The following XKR6 variants were observed in gnomAD, a reference collection of about 807,000 sequenced individuals.
The protein encoded by XKR6 is XK related 6.
XKR6 carries 22 observed loss-of-function variants against 56.7 expected under a neutral mutation model. The ratio of observed to expected loss-of-function variants is 0.39; its 90% CI spans 0.28 to 0.55. XKR6 has a LOEUF of 0.55. XKR6 is among the 20% of genes least tolerant of loss of function. The pLI is 0.66. For missense variants in XKR6, 852 were observed against 889.0 expected (o/e 0.96, Z 0.53); for synonymous variants, 524 against 387.8 (o/e 1.35, Z -4.13).
At chr8:11,187,076 T>G (rs1340790301) in intron 1 of XKR6, among the ~76,000 whole-genome samples, 1 of 152,198 alleles carries the variant, frequency 6.6e-6, no homozygotes, top group Non-Finnish European at 1.5e-5. Flanking sequence ...TCTTTTTTTG[T>G]TTACTGTAGC....
At chr8:11,143,062 T>C (rs952588008) in intron 1 of XKR6, among the ~76,000 whole-genome samples, 1 of 152,204 alleles carries the variant, frequency 6.6e-6, no homozygotes, top group Non-Finnish European at 1.5e-5. Flanking sequence ...AGGAGAAGCA[T>C]CTTCTTATAC....
At position 10,924,641 on chromosome 8, in the gene XKR6, G is replaced by T; in HGVS notation, c.954C>A (p.Thr318=). Residue 318 remains threonine (T), a synonymous_variant, in exon 2 of 3, where the codon ACC becomes ACA. Coordinates refer to ENST00000416569, the MANE Select transcript of XKR6 (RefSeq NM_173683.4). Reference sequence around the variant, plus strand: ...CGGCCGGCGGGCACTCACAGGGCAGGGTCTCGGCGCTGTTCTTCTGGAGCA... The same window carrying T: ...CGGCCGGCGGGCACTCACAGGGCAGTGTCTCGGCGCTGTTCTTCTGGAGCA... ...YIMLQKNSAE[T]LPCVSSVTSL... 2.5e-6 allele frequency: 4 copies of T among 1,602,386 alleles called. No homozygotes were observed. The highest frequency in any genetic ancestry group is 3.4e-6 in the Non-Finnish European group (4 of 1,172,044).
intron 1 of XKR6, among the ~76,000 whole-genome samples, chr8:11,112,213 A>C (rs1478740213): frequency 6.6e-6 from 1 of 152,232 alleles, no homozygotes; most frequent in Admixed American, 6.5e-5. Context: ...AAAAGTTGTC[A>C]TCATGGTGAC....
intron 1 of XKR6, among the ~76,000 whole-genome samples, chr8:11,191,436 C>T (rs142013876): frequency 3.3e-5 from 5 of 152,120 alleles, no homozygotes; most frequent in African/African-American, 9.7e-5. Flanking sequence ...ATCTGGCAGT[C>T]GCAACCTTAA....
chr8:11,115,615 T>C (rs1038969097), intron 1 of XKR6, among the ~76,000 whole-genome samples: 8 of 146,316 alleles, frequency 5.5e-5, no homozygotes, highest in African/African-American at 1.1e-4. Context: ...CATTTTTTAA[T>C]TGTGTGGGAA....
chr8:11,016,276 G>C (rs571962227), intron 1 of XKR6, among the ~76,000 whole-genome samples: 1 of 152,134 alleles, frequency 6.6e-6, no homozygotes, highest in African/African-American at 2.4e-5. Flanking sequence ...CCTCTGCCCC[G>C]CGCCCTGGAT....
At chr8:10,978,247 C>A (rs887806758) in intron 1 of XKR6, among the ~76,000 whole-genome samples, 1 of 152,188 alleles carries the variant, frequency 6.6e-6, no homozygotes, top group Admixed American at 6.5e-5. Flanking sequence ...TATTTAATGA[C>A]TTTCAAGGAT....
intron 1 of XKR6, among the ~76,000 whole-genome samples, chr8:11,038,315 C>A (rs1381672973): frequency 1.3e-5 from 2 of 152,100 alleles, no homozygotes; most frequent in Non-Finnish European, 2.9e-5. Context: ...GGACACCCCG[C>A]TCATTTTATA....
At chr8:11,007,704 G>C (rs1408767985) in intron 1 of XKR6, among the ~76,000 whole-genome samples, 2 of 152,170 alleles carry the variant, frequency 1.3e-5, no homozygotes, top group Non-Finnish European at 2.9e-5. Flanking sequence ...AATCTACCCA[G>C]ATCTTACCTA....
At chr8:11,026,917 T>C (rs1345270410) in intron 1 of XKR6, among the ~76,000 whole-genome samples, 2 of 152,070 alleles carry the variant, frequency 1.3e-5, no homozygotes, top group African/African-American at 4.8e-5. Context: ...CACACCTAGA[T>C]AGTCTAGCCT....
chr8:11,152,231 G>C (rs529223860), intron 1 of XKR6, among the ~76,000 whole-genome samples: 181 of 152,326 alleles, frequency 1.2e-3, no homozygotes, highest in Non-Finnish European at 2.2e-3. Flanking sequence ...CTGTGGGGAA[G>C]TGTATTACCC....
chr8:11,183,701 T>A (rs982831494), intron 1 of XKR6, among the ~76,000 whole-genome samples: 1 of 152,186 alleles, frequency 6.6e-6, no homozygotes, highest in Admixed American at 6.5e-5. Context: ...GTTAACCAAT[T>A]CATTTTTTAT....
intron 1 of XKR6, among the ~76,000 whole-genome samples, chr8:11,063,834 G>C (rs1034944279): frequency 2.0e-5 from 3 of 152,132 alleles, no homozygotes; most frequent in Non-Finnish European, 4.4e-5. Flanking sequence ...TTTGCTGTTC[G>C]TCAAATCTCC....
intron 1 of XKR6, among the ~76,000 whole-genome samples, chr8:11,118,024 T>C (rs973617231): frequency 3.0e-4 from 45 of 152,256 alleles, no homozygotes; most frequent in African/African-American, 1.1e-3. Flanking sequence ...CACCAACTTT[T>C]TGAAGAATAA....
At chr8:11,193,062 A>C (rs893900232) in intron 1 of XKR6, among the ~76,000 whole-genome samples, 1 of 152,232 alleles carries the variant, frequency 6.6e-6, no homozygotes, top group Non-Finnish European at 1.5e-5. Flanking sequence ...CCATGAGTGA[A>C]AGCATGTGGC....
At chr8:11,008,568 A>C (rs982004462) in intron 1 of XKR6, among the ~76,000 whole-genome samples, 1 of 152,016 alleles carries the variant, frequency 6.6e-6, no homozygotes, top group East Asian at 1.9e-4. Context: ...CCACAGGTGC[A>C]TGCCACCATG....
rs60435831 is a variant in XKR6, at chr8:11,106,863, A to AAAAG, written c.764+93712_764+93713insCTTT. On this transcript the variant is annotated intron_variant, in intron 1 of 2. Transcript: ENST00000416569. ...GAGACTTCATCTCAAAAAAAAAAAA[A>AAAAG]AATAAAAAAGATACAACGTTACAAA... is the stretch of plus-strand genomic sequence containing the variant. Among the ~76,000 whole-genome samples the AAAAG allele has an allele frequency of 4.5e-5, 5 of 109,902 alleles. 1 individual carries two copies. Among genetic ancestry groups the AAAAG allele is most frequent in the African/African-American group, 1.4e-4 (3 of 21,612 alleles). 72.1% of individuals were successfully genotyped at this position (109,902 alleles called of 152,430 possible).
intron 1 of XKR6, among the ~76,000 whole-genome samples, chr8:11,089,480 T>TA (rs892565133): frequency 1.7e-4 from 26 of 151,734 alleles, no homozygotes; most frequent in African/African-American, 5.8e-4. Flanking sequence ...AAAAACTTGT[T>TA]AAAAAAAATA....
At chr8:11,048,559 C>T (rs1284876853) in intron 1 of XKR6, among the ~76,000 whole-genome samples, 4 of 152,176 alleles carry the variant, frequency 2.6e-5, no homozygotes, top group Non-Finnish European at 5.9e-5. Flanking sequence ...TGTCTGAGTG[C>T]CTCGGCGAAA....
Sources: allele counts gnomAD v4.1 joint callset (sites outside exome capture counted in the v4.1 genomes callset), GRCh38; gene constraint gnomAD v4.1.1; transcripts MANE v1.5; gene names NCBI Gene and HGNC (gene_info 2026-07-23, HGNC 2026-07-21).